The following CNTNAP2 variants were observed in gnomAD, a reference collection of about 807,000 sequenced individuals.
The protein encoded by CNTNAP2 is contactin-associated protein-like 2.
A neutral mutation model predicts 155.2 loss-of-function variants in CNTNAP2; 98 were observed. The ratio of observed to expected loss-of-function variants is 0.63; its 90% CI spans 0.54 to 0.75. The LOEUF (loss-of-function observed/expected upper bound fraction) is 0.75, where lower values mean the gene tolerates loss of function less well. Among genes scored for constraint, CNTNAP2 ranks in the 30% least tolerant of loss-of-function variants. The pLI is 0.00. For missense variants in CNTNAP2, 1,727 were observed against 1,688.1 expected (o/e 1.02, Z -0.40); for synonymous variants, 651 against 631.2 (o/e 1.03, Z -0.47).
chr7:147,024,949 C>T (rs1798875711), intron 3 of CNTNAP2, among the ~76,000 whole-genome samples: 1 of 151,966 alleles, frequency 6.6e-6, no homozygotes, highest in Admixed American at 6.5e-5. Context: ...CGTGAGAACT[C>T]ACTATCGCGA....
At chr7:146,736,624 A>C (rs932549627) in intron 1 of CNTNAP2, among the ~76,000 whole-genome samples, 1 of 152,136 alleles carries the variant, frequency 6.6e-6, no homozygotes, top group Non-Finnish European at 1.5e-5. Flanking sequence ...AGGCAGCTGC[A>C]CTCCAGGGTT....
At chr7:147,293,611 A>C (rs1215768168) in intron 8 of CNTNAP2, among the ~76,000 whole-genome samples, 1 of 152,108 alleles carries the variant, frequency 6.6e-6, no homozygotes, top group Non-Finnish European at 1.5e-5. Context: ...TACTTGAAGC[A>C]TTTTCTAACA....
intron 13 of CNTNAP2, among the ~76,000 whole-genome samples, chr7:147,678,600 G>C (rs1221769373): frequency 6.6e-6 from 1 of 151,712 alleles, no homozygotes; most frequent in African/African-American, 2.4e-5. Flanking sequence ...TAACAGCAAG[G>C]GGATTCATTT....
intron 3 of CNTNAP2, among the ~76,000 whole-genome samples, chr7:146,977,441 C>T (rs1040728137): frequency 3.3e-5 from 5 of 152,084 alleles, no homozygotes; most frequent in African/African-American, 7.2e-5. Context: ...ATTGAGTGAT[C>T]GTTCATGGAG....
intron 13 of CNTNAP2, among the ~76,000 whole-genome samples, chr7:147,869,500 A>G (rs540566638): frequency 2.0e-5 from 3 of 152,376 alleles, no homozygotes; most frequent in African/African-American, 7.2e-5. Context: ...AAAGTGAAAA[A>G]GAAATGAATC....
intron 9 of CNTNAP2, among the ~76,000 whole-genome samples, chr7:147,374,226 T>C (rs1796397314): frequency 6.6e-6 from 1 of 152,094 alleles, no homozygotes; most frequent in Non-Finnish European, 1.5e-5. Flanking sequence ...ACTAGGAAGG[T>C]AAAAAGCAAC....
intron 8 of CNTNAP2, among the ~76,000 whole-genome samples, chr7:147,214,896 T>TA (rs1013396216): frequency 1.3e-5 from 2 of 152,106 alleles, no homozygotes; most frequent in Non-Finnish European, 2.9e-5. Context: ...TCAGCATACT[T>TA]ACGGTCATGA....
chr7:147,142,588 TA>T (rs1171784697), intron 8 of CNTNAP2, among the ~76,000 whole-genome samples: 4 of 152,118 alleles, frequency 2.6e-5, no homozygotes, highest in African/African-American at 7.2e-5. Flanking sequence ...GCTGGCCTCA[TA>T]AAATGAGTTA....
At chr7:146,809,465 G>A (rs975458012) in intron 2 of CNTNAP2, among the ~76,000 whole-genome samples, 4 of 152,034 alleles carry the variant, frequency 2.6e-5, no homozygotes, top group African/African-American at 9.7e-5. Flanking sequence ...AGGTTCAAGC[G>A]ATTCTCTTTC....
chr7:146,703,761 C>T (rs1236925083), intron 1 of CNTNAP2, among the ~76,000 whole-genome samples: 1 of 152,100 alleles, frequency 6.6e-6, no homozygotes, highest in African/African-American at 2.4e-5. Context: ...TGATCACCTC[C>T]CAAAGGTCCC....
chr7:148,361,777 T>C (rs1798625887), intron 21 of CNTNAP2, among the ~76,000 whole-genome samples: 1 of 152,206 alleles, frequency 6.6e-6, no homozygotes, highest in South Asian at 2.1e-4. Context: ...TTTAATTGAC[T>C]CACAGTTCTG....
At chr7:146,426,185 CAAAAA>C (rs57484419) in intron 1 of CNTNAP2, among the ~76,000 whole-genome samples, 14 of 54,632 alleles carry the variant, frequency 2.6e-4, no homozygotes, top group African/African-American at 8.2e-4. Flanking sequence ...GACTTCGCCT[CAAAAA>C]AAAAAAAAAA....
intron 17 of CNTNAP2, among the ~76,000 whole-genome samples, chr7:148,152,675 C>T (rs1805317714): frequency 1.3e-5 from 2 of 152,254 alleles, no homozygotes; most frequent in African/African-American, 2.4e-5. Flanking sequence ...TTTCAATCTT[C>T]CAGCCAGGAG....
intron 1 of CNTNAP2, among the ~76,000 whole-genome samples, chr7:146,562,046 T>C (rs1324665308): frequency 6.6e-6 from 1 of 152,112 alleles, no homozygotes; most frequent in Non-Finnish European, 1.5e-5. Context: ...TGCCTTGGCC[T>C]CCCAAACTGC....
At position 146,482,182 on chromosome 7, in the gene CNTNAP2, G is replaced by A. The variant is rs1796969415; in HGVS notation, c.98-292089G>A. On this transcript the variant is annotated intron_variant, in intron 1 of 23. Transcript: ENST00000361727. Reference sequence around the variant, plus strand: ...GACAAGCTGAATCTAAGACCTAAATGGAAGAGCCAGAGGCTAAGAATTAGA... The same window carrying A: ...GACAAGCTGAATCTAAGACCTAAATAGAAGAGCCAGAGGCTAAGAATTAGA... 2.3e-5 allele frequency among the ~76,000 whole-genome samples: 3 copies of A among 132,206 alleles called. No homozygotes were observed. In the Admixed American group the frequency reaches 2.4e-4, roughly 11 times the overall value. The allele number at this position is 132,206 out of a possible 152,430, so 86.7% of individuals were successfully genotyped here. A position where few individuals can be genotyped will look rare whatever the true frequency, so the allele number is the denominator to read the frequency against.
chr7:146,317,257 C>T (rs1048971027), intron 1 of CNTNAP2, among the ~76,000 whole-genome samples: 1 of 152,096 alleles, frequency 6.6e-6, no homozygotes. Flanking sequence ...ACAACACAAG[C>T]AAATAGGTAA....
chr7:146,674,002 T>C (rs1459428665), intron 1 of CNTNAP2, among the ~76,000 whole-genome samples: 2 of 152,234 alleles, frequency 1.3e-5, no homozygotes, highest in African/African-American at 4.8e-5. Context: ...TGAATACTTT[T>C]AGTTCGTCCC....
intron 8 of CNTNAP2, among the ~76,000 whole-genome samples, chr7:147,223,366 G>T (rs1276136378): frequency 4.6e-5 from 7 of 152,090 alleles, no homozygotes; most frequent in Admixed American, 4.6e-4. Flanking sequence ...AGGCAGCAAG[G>T]GACAACAGAA....
At chr7:146,373,266 G>T (rs1795261396) in intron 1 of CNTNAP2, among the ~76,000 whole-genome samples, 1 of 152,124 alleles carries the variant, frequency 6.6e-6, no homozygotes, top group Admixed American at 6.5e-5. Context: ...CAGTATCACA[G>T]AGTCTCTATT....
Sources: allele counts gnomAD v4.1 joint callset (sites outside exome capture counted in the v4.1 genomes callset), GRCh38; gene constraint gnomAD v4.1.1; transcripts MANE v1.5; gene names NCBI Gene and HGNC (gene_info 2026-07-23, HGNC 2026-07-21).